Variants in RAI2 observed in about 807,000 individuals in gnomAD.
The protein encoded by RAI2 is retinoic acid induced 2.
In RAI2, 5 loss-of-function variants were observed where a neutral mutation model predicts 15.3. The ratio of observed to expected loss-of-function variants is 0.33; its 90% CI spans 0.17 to 0.69. The LOEUF (loss-of-function observed/expected upper bound fraction) is 0.69. RAI2 is among the 30% of genes least tolerant of loss of function. RAI2 has a pLI of 0.69. For missense variants in RAI2, 424 were observed against 424.7 expected, an observed-to-expected ratio of 1.00 and a Z score of 0.01; for synonymous variants, 191 against 184.0, an observed-to-expected ratio of 1.04 and a Z score of -0.31.
intron 1 of RAI2, among the ~76,000 whole-genome samples, chrX:17,829,023 C>T (rs775177602): frequency 6.3e-5 from 7 of 111,062 alleles, no homozygotes; most frequent in African/African-American, 2.3e-4. Flanking sequence ...TTAACCATCT[C>T]GACACCCGAG....
rs370923659 is a variant in RAI2, at chrX:17,810,670, CACCA to C, written c.-24-8640_-24-8637del. On this transcript the variant is annotated intron_variant, in intron 1 of 1. Transcript: ENST00000451717. ...GCCCCAAAGGATGGGCAAGTGGGAGCACCAAGGAGGAATTGGAGGGAGGACGCCA... is the reference window on the plus strand; with the variant it reads ...GCCCCAAAGGATGGGCAAGTGGGAGCAGGAGGAATTGGAGGGAGGACGCCA... Among the ~76,000 whole-genome samples, 452 of 111,849 alleles carry C rather than the reference CACCA, an allele frequency of 4.0e-3. 1 individual carries two copies. The highest frequency in any genetic ancestry group is 0.014 in the African/African-American group (420 of 30,745).
Position 17,801,875 on chromosome X carries a change from C to G in RAI2, c.136G>C (p.Val46Leu), listed in dbSNP as rs1033107432. Residue 46 changes from valine (V) to leucine (L), a missense_variant, in exon 2 of 2, where the codon GTA (valine) becomes CTA (leucine). Coordinates refer to ENST00000451717, the MANE Select transcript of RAI2 (RefSeq NM_021785.6). Reference sequence around the variant, plus strand: ...GGCACGGTCACCAGGGCCTTCTTTACCAGGTCAGTGGAGTTGATGTTCCAG... The same window carrying G: ...GGCACGGTCACCAGGGCCTTCTTTAGCAGGTCAGTGGAGTTGATGTTCCAG... ...EAWNINSTDLVKKALVTVPAP... is the reference protein window; with the variant it reads ...EAWNINSTDLLKKALVTVPAP... 1 of 1,210,846 alleles carries G rather than the reference C, an allele frequency of 8.3e-7. No individual in the cohort carries two copies. Among genetic ancestry groups the G allele is most frequent in the Non-Finnish European group, 1.1e-6 (1 of 895,302 alleles).
chrX:17,800,823 G>A lies in RAI2; in HGVS notation c.1188C>T (p.Ala396=), dbSNP rs2066897116. The A allele has an allele frequency of 3.3e-6, 4 of 1,211,692 alleles. No homozygotes were observed. The Admixed American group carries it at 6.5e-5, about 20-fold the overall frequency. The stretch of plus-strand genomic sequence containing the variant: ...TGCTGCTGATGTGACTATCCATCAT[G>A]GCTGGGGCCTCATGGGACGTGGCAG... ...FAPATSHEAP[A]MMDSHISSSD... is the part of the protein sequence containing the mutation. The change falls in exon 2 of 2, where the codon GCC becomes GCT. Residue 396 remains alanine, a synonymous_variant. Transcript: ENST00000451717.
intron 1 of RAI2, among the ~76,000 whole-genome samples, chrX:17,829,728 G>C (rs1025195789): frequency 8.9e-6 from 1 of 112,525 alleles, no homozygotes; most frequent in African/African-American, 3.2e-5. Context: ...TACCAATTAG[G>C]CAAGTTCATT....
intron 1 of RAI2, among the ~76,000 whole-genome samples, chrX:17,840,966 G>A (rs769780112): frequency 3.4e-4 from 38 of 112,120 alleles, no homozygotes; most frequent in African/African-American, 8.4e-4. Flanking sequence ...AATCACTACC[G>A]TAGTGAATTA....
chrX:17,850,583 A>T (rs2067519462), intron 1 of RAI2, among the ~76,000 whole-genome samples: 1 of 112,315 alleles, frequency 8.9e-6, no homozygotes, highest in Admixed American at 9.4e-5. Flanking sequence ...AGAAGAGCTG[A>T]GTAAAGAAGG....
intron 1 of RAI2, among the ~76,000 whole-genome samples, chrX:17,830,357 C>T (rs1236346800): frequency 2.7e-5 from 3 of 112,437 alleles, no homozygotes; most frequent in Non-Finnish European, 5.6e-5. Context: ...CATCTGAGAA[C>T]GTGTTCTATT....
intron 1 of RAI2, among the ~76,000 whole-genome samples, chrX:17,839,637 T>A (rs2067374928): frequency 8.9e-6 from 1 of 112,537 alleles, no homozygotes; most frequent in Non-Finnish European, 1.9e-5. Context: ...TGGAAGACAG[T>A]GAAAAATTCC....
intron 1 of RAI2, among the ~76,000 whole-genome samples, chrX:17,843,722 C>T (rs964252434): frequency 1.8e-5 from 2 of 111,787 alleles, no homozygotes; most frequent in African/African-American, 6.5e-5. Flanking sequence ...AGAAGGGCCA[C>T]AGGAAACATC....
chrX:17,854,074 C>G (rs2067568432), intron 1 of RAI2, among the ~76,000 whole-genome samples: 1 of 112,003 alleles, frequency 8.9e-6, no homozygotes, highest in Non-Finnish European at 1.9e-5. Flanking sequence ...CAGACAAAAA[C>G]CTTATTTTTT....
chrX:17,855,671 G>T (rs1385567021), intron 1 of RAI2, among the ~76,000 whole-genome samples: 2 of 111,855 alleles, frequency 1.8e-5, no homozygotes, highest in East Asian at 5.6e-4. Context: ...ACATCTGGAG[G>T]CTGAAGTCAC....
At chrX:17,849,715 T>C (rs908729812) in intron 1 of RAI2, among the ~76,000 whole-genome samples, 1 of 112,342 alleles carries the variant, frequency 8.9e-6, no homozygotes, top group Non-Finnish European at 1.9e-5. Flanking sequence ...TTCCAAAGCT[T>C]GGGTAAGTGG....
chrX:17,800,767 G>C lies in RAI2; in HGVS notation c.1244C>G (p.Pro415Arg), dbSNP rs199619626. ...CTTGACTTCGCCGCTGGGGTGGTTG[G>C]GCTGGCTGAGCATCTCGGTAGCAGC... Reference protein sequence around the residue: ...SDAATEMLSQPNHPSGEVKAE... With the variant: ...SDAATEMLSQRNHPSGEVKAE... The change falls in exon 2 of 2, where the codon CCC becomes CGC. Residue 415 changes from proline (P) to arginine (R), a missense_variant. Transcript: ENST00000451717. The C allele has an allele frequency of 6.8e-5, 82 of 1,209,948 alleles. 1 individual carries two copies. In the East Asian group the frequency reaches 2.4e-3, roughly 36 times the overall value.
chrX:17,848,292 GA>G (rs375071115), intron 1 of RAI2, among the ~76,000 whole-genome samples: 1,072 of 58,690 alleles, frequency 0.018, 16 homozygotes, highest in African/African-American at 0.051. Context: ...AACAAAAAAT[GA>G]AAAAAAAAAA....
chrX:17,815,731 C>A (rs906431392), intron 1 of RAI2, among the ~76,000 whole-genome samples: 6 of 111,472 alleles, frequency 5.4e-5, no homozygotes, highest in Non-Finnish European at 7.5e-5. Flanking sequence ...TAGGTTCATG[C>A]AAAAGTAATT....
Position 17,800,054 on chromosome X carries a change from GCAAA to G in RAI2, c.*360_*363del, listed in dbSNP as rs1193416445. 6.9e-6 allele frequency: 1 copy of G among 145,529 alleles called. No homozygotes were observed. Among genetic ancestry groups the G allele is most frequent in the Non-Finnish European group, 1.3e-5 (1 of 75,959 alleles). 12.0% of individuals were successfully genotyped at this position (145,529 alleles called of 1,213,427 possible). On this transcript the variant is annotated 3_prime_UTR_variant, in exon 2 of 2. Coordinates refer to ENST00000451717, the MANE Select transcript of RAI2 (RefSeq NM_021785.6). ...TGATGAAATACTGCAACCAATTAGT[GCAAA>G]CAAACATTTATTGTGAAATATTCAT...
At chrX:17,815,294 T>A (rs970585526) in intron 1 of RAI2, among the ~76,000 whole-genome samples, 10 of 104,207 alleles carry the variant, frequency 9.6e-5, no homozygotes, top group African/African-American at 3.5e-4. Context: ...CCAGAATGCA[T>A]GTGTTTGCAC....
At chrX:17,841,641 A>G (rs1273738853) in intron 1 of RAI2, among the ~76,000 whole-genome samples, 1 of 112,214 alleles carries the variant, frequency 8.9e-6, no homozygotes, top group Non-Finnish European at 1.9e-5. Flanking sequence ...CAATCAATAT[A>G]TATTGAGTAA....
chrX:17,834,322 G>C (rs1418775206), intron 1 of RAI2, among the ~76,000 whole-genome samples: 1 of 111,524 alleles, frequency 9.0e-6, no homozygotes, highest in Non-Finnish European at 1.9e-5. Context: ...AGCTCTGGGT[G>C]AGTATGAGAC....
Sources: allele counts gnomAD v4.1 joint callset (sites outside exome capture counted in the v4.1 genomes callset), GRCh38; gene constraint gnomAD v4.1.1; transcripts MANE v1.5; gene names NCBI Gene and HGNC (gene_info 2026-07-23, HGNC 2026-07-21).